The following WDR3 variants were observed in gnomAD, a reference collection of about 807,000 sequenced individuals.
The protein encoded by WDR3 is WD repeat-containing protein 3.
In WDR3, 81 loss-of-function variants were observed where a neutral mutation model predicts 123.7. The ratio of observed to expected loss-of-function variants is 0.65; its 90% CI spans 0.55 to 0.79. The LOEUF (loss-of-function observed/expected upper bound fraction) is 0.79, where lower values mean the gene tolerates loss of function less well. WDR3 is among the 30% of genes least tolerant of loss of function. The pLI, the probability that WDR3 is intolerant of heterozygous loss-of-function variation, is 0.00. For synonymous variants in WDR3, 390 were observed against 388.8 expected, an observed-to-expected ratio of 1.00 and a Z score of -0.04; for missense variants, 1,027 against 1,123.2, an observed-to-expected ratio of 0.91 and a Z score of 1.22.
intron 11 of WDR3, among the ~76,000 whole-genome samples, chr1:117,945,332 C>G (rs935039559): frequency 6.6e-6 from 1 of 152,210 alleles, no homozygotes; most frequent in African/African-American, 2.4e-5. Flanking sequence ...CCACACTGGT[C>G]TTCTTGCTAT....
At chr1:117,943,235 G>C (rs1651243090) in intron 10 of WDR3, among the ~76,000 whole-genome samples, 161 bp from the exon 11 acceptor site, 2 of 152,176 alleles carry the variant, frequency 1.3e-5, no homozygotes, top group African/African-American at 4.8e-5. Flanking sequence ...TTACAGGCGT[G>C]AGCCACTGCA....
chr1:117,954,580 G>T lies in WDR3; in HGVS notation c.2362G>T (p.Val788Phe), dbSNP rs1651886292. The T allele has an allele frequency of 1.9e-6, 3 of 1,612,094 alleles. No individual in the cohort carries two copies. Among genetic ancestry groups the T allele is most frequent in the Non-Finnish European group, 2.5e-6 (3 of 1,178,940 alleles). Residue 788 changes from valine to phenylalanine, a missense_variant and splice_region_variant, in exon 23 of 27, where the codon GTT (valine) becomes TTT (phenylalanine). Val to Phe is a conservative substitution (Grantham distance 50). Transcript: ENST00000349139. The part of the protein sequence containing the change: ...KAICKAAGKE[V>F]PLPSNPILMA... ...ACTTGATTTAATAATTTCTTCATAG[G>T]TTCCACTTCCCAGCAACCCCATCCT...
chr1:117,938,749 A>G (rs1469820591), intron 5 of WDR3, among the ~76,000 whole-genome samples, 191 bp downstream of exon 5: 1 of 152,164 alleles, frequency 6.6e-6, no homozygotes, highest in Non-Finnish European at 1.5e-5. Flanking sequence ...CTGCTCTGAC[A>G]TGTAGTAAAA....
rs1426909776 is a variant in WDR3, at chr1:117,962,908, G to A, written c.*3461G>A. On this transcript the variant is annotated 3_prime_UTR_variant, in exon 27 of 27. Coordinates refer to ENST00000349139, the MANE Select transcript of WDR3 (RefSeq NM_006784.3). ...GGCCAGATTAGTCTTCAGAAAGAGA[G>A]GGAGGTTGTGAGCAGAAGCTTAATG... 2.0e-5 allele frequency: 3 copies of A among 152,244 alleles called. No homozygotes were observed. The highest frequency in any genetic ancestry group is 4.8e-5 in the African/African-American group (2 of 41,446). 9.4% of individuals were successfully genotyped at this position (152,244 alleles called of 1,614,324 possible). A position where few individuals can be genotyped will look rare whatever the true frequency, so the allele number is the denominator to read the frequency against.
intron 25 of WDR3, among the ~76,000 whole-genome samples, chr1:117,957,982 T>C (rs1419718115): frequency 6.6e-6 from 1 of 152,224 alleles, no homozygotes; most frequent in Non-Finnish European, 1.5e-5. Flanking sequence ...TTATGAAGAT[T>C]CTGTTAATAG....
intron 22 of WDR3, 60 bp downstream of exon 22, chr1:117,954,159 C>T (rs1651817612): frequency 7.0e-7 from 1 of 1,437,936 alleles, no homozygotes; most frequent in African/African-American, 1.4e-5. Context: ...GGAGAAAAAC[C>T]ATTGTTTTGG....
chr1:117,953,570 T>G (rs774605160), intron 21 of WDR3, 29 bp downstream of exon 21: 18 of 1,599,796 alleles, frequency 1.1e-5, no homozygotes, highest in Admixed American at 1.7e-5. Context: ...TGGTATCTCG[T>G]TTTTTAATAA....
chr1:117,963,900 C>A lies in WDR3; in HGVS notation c.*4453C>A, dbSNP rs576928933. 8.1e-6 allele frequency: 13 copies of A among 1,613,882 alleles called. No homozygotes were observed. Among genetic ancestry groups the A allele is most frequent in the East Asian group, 6.7e-5 (3 of 44,866 alleles). On this transcript the variant is annotated 3_prime_UTR_variant, in exon 27 of 27. Transcript: ENST00000349139. The stretch of plus-strand genomic sequence containing the variant: ...GGATTTTCTTTTCCCTGGGGAAAGT[C>A]TTTTGGTCGTTTATCATAATTGCTG...
Position 117,959,515 on chromosome 1 carries a change from A to G in WDR3, c.*68A>G. 1 of 1,436,534 alleles carries G rather than the reference A, an allele frequency of 7.0e-7. No homozygotes were observed. Among genetic ancestry groups the G allele is most frequent in the Non-Finnish European group, 9.2e-7 (1 of 1,083,204 alleles). 89.0% of individuals were successfully genotyped at this position (1,436,534 alleles called of 1,614,324 possible). A position where few individuals can be genotyped will look rare whatever the true frequency, so the allele number is the denominator to read the frequency against. On this transcript the variant is annotated 3_prime_UTR_variant, in exon 27 of 27. Coordinates refer to ENST00000349139, the MANE Select transcript of WDR3 (RefSeq NM_006784.3). The stretch of plus-strand genomic sequence containing the variant: ...AAAGGACTCCTAAACTAAGCACAGA[A>G]GAGTTGGCGTCATCTTAAAAATACC...
At chr1:117,930,456 A>G (rs1177631062) in intron 1 of WDR3, among the ~76,000 whole-genome samples, 1 of 152,220 alleles carries the variant, frequency 6.6e-6, no homozygotes, top group Non-Finnish European at 1.5e-5. Context: ...CGAGGAAGGA[A>G]ACTAGCCAGC....
chr1:117,950,153 T>C (rs568975454), intron 15 of WDR3, 23 bp downstream of exon 15: 1 of 1,611,560 alleles, frequency 6.2e-7, no homozygotes, highest in South Asian at 1.1e-5. Flanking sequence ...TGCCTGCGGA[T>C]ATTTTCCCTT....
At chr1:117,956,414 T>G (rs536656868) in intron 24 of WDR3, among the ~76,000 whole-genome samples, 1 of 152,322 alleles carries the variant, frequency 6.6e-6, no homozygotes, top group African/African-American at 2.4e-5. Flanking sequence ...TATATATTCC[T>G]TACAAGAAAC....
intron 12 of WDR3, 108 bp from the exon 13 acceptor site, chr1:117,948,297 T>C (rs1651479579): frequency 3.6e-6 from 3 of 834,814 alleles, no homozygotes; most frequent in Non-Finnish European, 5.8e-6. Flanking sequence ...AAGCAATGGA[T>C]CACATTTTTG....
chr1:117,942,893 T>C (rs1651224177), intron 10 of WDR3, among the ~76,000 whole-genome samples: 2 of 149,712 alleles, frequency 1.3e-5, no homozygotes, highest in Admixed American at 1.3e-4. Flanking sequence ...AGCCTAGTTT[T>C]TTTTTTTTTT....
intron 5 of WDR3, 114 bp downstream of exon 5, chr1:117,938,672 T>C: frequency 1.2e-6 from 1 of 850,968 alleles, no homozygotes; most frequent in Non-Finnish European, 1.8e-6. Flanking sequence ...GTAATTATCA[T>C]ATGCCATCTT....
chr1:117,954,499 A>T, intron 22 of WDR3, 81 bp from the exon 23 acceptor site: 1 of 1,367,310 alleles, frequency 7.3e-7, no homozygotes, highest in Non-Finnish European at 1.0e-6. Flanking sequence ...AAATTATAAA[A>T]TACAGTTACC....
At chr1:117,957,464 C>G (rs1652380324) in intron 25 of WDR3, among the ~76,000 whole-genome samples, 1 of 152,176 alleles carries the variant, frequency 6.6e-6, no homozygotes, top group Non-Finnish European at 1.5e-5. Flanking sequence ...ATACATTGCT[C>G]AGGAATGCTT....
intron 11 of WDR3, among the ~76,000 whole-genome samples, chr1:117,944,497 C>A (rs1373039053): frequency 6.6e-6 from 1 of 152,116 alleles, no homozygotes; most frequent in Non-Finnish European, 1.5e-5. Flanking sequence ...CCCTAAACAT[C>A]AAATTCATAT....
At chr1:117,936,294 A>G (rs939619494) in intron 3 of WDR3, among the ~76,000 whole-genome samples, 1 of 152,084 alleles carries the variant, frequency 6.6e-6, no homozygotes, top group Admixed American at 6.6e-5. Context: ...TCAGAGATAC[A>G]TACAGAAATT....
Sources: allele counts gnomAD v4.1 joint callset (sites outside exome capture counted in the v4.1 genomes callset), GRCh38; gene constraint gnomAD v4.1.1; transcripts MANE v1.5; gene names NCBI Gene and HGNC (gene_info 2026-07-23, HGNC 2026-07-21).